The following NFKBIZ variants were observed in gnomAD, a reference collection of about 807,000 sequenced individuals.
NFKBIZ encodes NFKB inhibitor zeta, also known as NF-kappa-B inhibitor zeta.
NFKBIZ carries 19 observed loss-of-function variants against 76.8 expected under a neutral mutation model. The ratio of observed to expected loss-of-function variants is 0.25; its 90% CI spans 0.17 to 0.36. The LOEUF is 0.36. Ranked by LOEUF, NFKBIZ falls within the 10% of genes least tolerant of loss-of-function variation. The pLI is 1.00. For missense variants in NFKBIZ, 829 were observed against 910.9 expected (o/e 0.91, Z 1.16); for synonymous variants, 368 against 354.8 (o/e 1.04, Z -0.42).
At chr3:101,830,166 T>C (rs1942629384) in intron 2 of NFKBIZ, among the ~76,000 whole-genome samples, 1 of 152,168 alleles carries the variant, frequency 6.6e-6, no homozygotes, top group Non-Finnish European at 1.5e-5. Context: ...ATACCTTCCT[T>C]TCAACCGTAG....
chr3:101,846,494 T>C (rs1942854388), upstream of NFKBIZ, among the ~76,000 whole-genome samples: 1 of 152,208 alleles, frequency 6.6e-6, no homozygotes, highest in South Asian at 2.1e-4. Flanking sequence ...CACAGAAAAC[T>C]TCGTTTTGAA....
chr3:101,843,799 C>A (rs1192448348), intron 2 of NFKBIZ, among the ~76,000 whole-genome samples: 1 of 152,090 alleles, frequency 6.6e-6, no homozygotes, highest in Non-Finnish European at 1.5e-5. Context: ...TTGAGTTATG[C>A]AAATTTTCTA....
intron 5 of NFKBIZ, 128 bp downstream of exon 5, chr3:101,853,991 G>T: frequency 1.1e-6 from 1 of 890,722 alleles, no homozygotes; most frequent in Non-Finnish European, 1.7e-6. Context: ...GATGACTGGT[G>T]TAGATAGAAA....
intron 11 of NFKBIZ, 164 bp downstream of exon 11, chr3:101,857,623 G>C (rs1349891389): frequency 1.3e-5 from 13 of 985,310 alleles, no homozygotes; most frequent in Non-Finnish European, 1.6e-5. Flanking sequence ...GTTACTCTTC[G>C]TTTGGAAACA....
chr3:101,843,862 G>A (rs183108508), intron 2 of NFKBIZ, among the ~76,000 whole-genome samples: 143 of 152,222 alleles, frequency 9.4e-4, no homozygotes, highest in South Asian at 2.1e-3. Context: ...TGTTAATAGC[G>A]CATCATCACT....
intron 2 of NFKBIZ, among the ~76,000 whole-genome samples, chr3:101,831,023 A>G (rs1942640244): frequency 6.6e-6 from 1 of 152,250 alleles, no homozygotes; most frequent in South Asian, 2.1e-4. Flanking sequence ...TCAGATATTT[A>G]GCAACATGCA....
In NFKBIZ at chr3:101,849,757, C is replaced by G; in HGVS notation, c.129C>G (p.Ala43=). ...SYFYGASPPA[A]APGACDASCS... ...TCTACGGCGCGTCGCCGCCCGCCGC[C>G]GCCCCGGGCGCCTGCGACGCCAGCT... The change falls in exon 1 of 12, where the codon GCC becomes GCG. Residue 43 remains alanine, a synonymous_variant. Transcript: ENST00000326172. The G allele has an allele frequency of 6.9e-7, 1 of 1,451,590 alleles. No homozygotes were observed. Among genetic ancestry groups the G allele is most frequent in the Non-Finnish European group, 9.0e-7 (1 of 1,107,338 alleles). The allele number at this position is 1,451,590 out of a possible 1,614,324, so 89.9% of individuals were successfully genotyped here. A position where few individuals can be genotyped will look rare whatever the true frequency, so the allele number is the denominator to read the frequency against.
Position 101,853,260 on chromosome 3 carries a change from T to A in NFKBIZ, c.734T>A (p.Val245Asp). The change falls in exon 5 of 12, where the codon GTC (valine) becomes GAC (aspartate). Residue 245 changes from valine (V) to aspartate (D), a missense_variant. This residue lies in a region of NFKBIZ where 371 missense variants were observed against 332.3 expected (regional missense o/e 1.12). Transcript: ENST00000326172. ...VQVSWLNPVV[V>D]PQSSPAEQCQ... ...GTTAGCTGGCTGAACCCCGTGGTGG[T>A]CCCTCAGAGCTCCCCCGCAGAGCAG... 2 of 1,614,084 alleles carry A rather than the reference T, an allele frequency of 1.2e-6. No homozygotes were observed. The highest frequency in any genetic ancestry group is 1.7e-6 in the Non-Finnish European group (2 of 1,180,008).
intron 8 of NFKBIZ, 57 bp from the exon 9 acceptor site, chr3:101,855,676 A>G: frequency 6.6e-7 from 1 of 1,520,712 alleles, no homozygotes; most frequent in Non-Finnish European, 8.8e-7. Flanking sequence ...TCATTATAGA[A>G]GGACCAAAAG....
chr3:101,849,956 G>C (rs1371374388), intron 1 of NFKBIZ, 39 bp downstream of exon 1: 5 of 1,356,660 alleles, frequency 3.7e-6, no homozygotes, highest in Non-Finnish European at 4.7e-6. Flanking sequence ...CTCGGGGCGC[G>C]CACGCCTAGG....
At chr3:101,838,043 G>A (rs1205518692) in intron 2 of NFKBIZ, among the ~76,000 whole-genome samples, 2 of 152,168 alleles carry the variant, frequency 1.3e-5, no homozygotes, top group Non-Finnish European at 2.9e-5. Flanking sequence ...TTGCATACGT[G>A]TGAAAGTGCT....
At position 101,851,948 on chromosome 3, in the gene NFKBIZ, A is replaced by G. The variant is rs537450265; in HGVS notation, c.290-137A>G. The stretch of plus-strand genomic sequence containing the variant: ...GGACTCACAAGGCCATTGATTGACC[A>G]GAGCAAGTTGGAAAGGTTTTGCAAT... On this transcript the variant is annotated intron_variant, in intron 1 of 11. Transcript: ENST00000326172. The G allele has an allele frequency of 3.1e-6, 3 of 978,504 alleles. No homozygotes were observed. The African/African-American group carries it at 4.9e-5, about 16-fold the overall frequency. 60.6% of individuals were successfully genotyped at this position (978,504 alleles called of 1,614,324 possible).
intron 6 of NFKBIZ, 93 bp from the exon 7 acceptor site, chr3:101,854,969 T>G: frequency 7.5e-7 from 1 of 1,335,460 alleles, no homozygotes; most frequent in Non-Finnish European, 1.0e-6. Flanking sequence ...TTTCTCTCTG[T>G]GGGTTTTTCC....
chr3:101,843,262 C>T (rs1183812764), intron 2 of NFKBIZ, among the ~76,000 whole-genome samples: 1 of 151,646 alleles, frequency 6.6e-6, no homozygotes, highest in East Asian at 1.9e-4. Context: ...CAGCCAGACC[C>T]CATCTCTACA....
At chr3:101,857,481 G>A in intron 11 of NFKBIZ, 22 bp downstream of exon 11, 2 of 1,612,960 alleles carry the variant, frequency 1.2e-6, no homozygotes, top group South Asian at 1.1e-5. Flanking sequence ...AGGAGGGAGA[G>A]GAAGTATTTT....
rs1435437668 is a variant in NFKBIZ at position 101,860,587 on chromosome 3, C to G, written c.*1216C>G. 6.6e-6 allele frequency: 1 copy of G among 151,954 alleles called. No homozygotes were observed. The highest frequency in any genetic ancestry group is 1.5e-5 in the Non-Finnish European group (1 of 67,980). 9.4% of individuals were successfully genotyped at this position (151,954 alleles called of 1,614,324 possible). On this transcript the variant is annotated 3_prime_UTR_variant, in exon 12 of 12. Coordinates refer to ENST00000326172, the MANE Select transcript of NFKBIZ (RefSeq NM_031419.4). ...TACCTTTATTGAAACAACAAAAAGT[C>G]AGTATTGAAACATATCTTCCTGTTT...
chr3:101,853,956 CCTTAG>C, intron 5 of NFKBIZ, 93 bp downstream of exon 5: 1 of 1,244,050 alleles, frequency 8.0e-7, no homozygotes, highest in Non-Finnish European at 1.1e-6. Flanking sequence ...ACAAGGTATA[CCTTAG>C]TTAGTGGTTG....
upstream of NFKBIZ, chr3:101,849,293 G>A (rs1195967029): frequency 9.4e-6 from 2 of 212,874 alleles, no homozygotes; most frequent in Non-Finnish European, 1.9e-5. Context: ...CCGGTGAAGG[G>A]CAGGCAAACA....
intron 11 of NFKBIZ, among the ~76,000 whole-genome samples, chr3:101,858,863 G>A (rs1943093685): frequency 6.6e-6 from 1 of 152,186 alleles, no homozygotes; most frequent in African/African-American, 2.4e-5. Context: ...GTTTTGACTT[G>A]AATGGTATTA....
Sources: allele counts gnomAD v4.1 joint callset (sites outside exome capture counted in the v4.1 genomes callset), GRCh38; gene constraint gnomAD v4.1.1; regional missense constraint gnomAD v4.1.1; transcripts MANE v1.5; gene names NCBI Gene and HGNC (gene_info 2026-07-23, HGNC 2026-07-21).